Variants in CFTR observed in about 807,000 individuals in gnomAD.
CFTR encodes the protein cystic fibrosis transmembrane conductance regulator.
Under a neutral mutation model 171.6 loss-of-function variants are expected in CFTR, and 181 were observed. The observed-to-expected ratio is 1.05, with a 90% CI of 0.93 to 1.19. The LOEUF is 1.19. Ranked by LOEUF, CFTR falls within the 50% of genes most tolerant of loss-of-function variation. The pLI is 0.00. For missense variants in CFTR, 1,968 were observed against 1,734.7 expected, an observed-to-expected ratio of 1.13 and a Z score of -2.39; for synonymous variants, 583 against 608.0, an observed-to-expected ratio of 0.96 and a Z score of 0.60.
intron 10 of CFTR, among the ~76,000 whole-genome samples, chr7:117,553,213 G>T (rs145808268): frequency 6.9e-6 from 1 of 145,658 alleles, no homozygotes; most frequent in Non-Finnish European, 1.5e-5. Context: ...TGTTATAGCA[G>T]CCTGAACAAG....
At chr7:117,535,754 G>A (rs1008633943) in intron 6 of CFTR, among the ~76,000 whole-genome samples, 4 of 151,940 alleles carry the variant, frequency 2.6e-5, no homozygotes, top group South Asian at 2.1e-4. Flanking sequence ...GGCTGGTCTC[G>A]AATGCCTGAC....
intron 24 of CFTR, among the ~76,000 whole-genome samples, chr7:117,658,809 T>C (rs1334031238): frequency 1.3e-5 from 2 of 152,192 alleles, no homozygotes; most frequent in African/African-American, 4.8e-5. Flanking sequence ...TATTAACACT[T>C]GCACAAATTT....
intron 21 of CFTR, among the ~76,000 whole-genome samples, chr7:117,621,242 G>A (rs992435234): frequency 6.6e-6 from 1 of 152,168 alleles, no homozygotes; most frequent in African/African-American, 2.4e-5. Flanking sequence ...ATTCTAGCGT[G>A]TATCAAGCAA....
At chr7:117,490,916 G>A (rs1230669643) in intron 1 of CFTR, among the ~76,000 whole-genome samples, 2 of 152,002 alleles carry the variant, frequency 1.3e-5, no homozygotes, top group Admixed American at 6.6e-5. Context: ...CACATCTGTC[G>A]GCTTTCTTTG....
intron 3 of CFTR, among the ~76,000 whole-genome samples, chr7:117,510,485 T>C (rs1482640650): frequency 6.6e-6 from 1 of 152,188 alleles, no homozygotes; most frequent in East Asian, 1.9e-4. Context: ...TTTCAAGTAA[T>C]TGTTATGTCA....
chr7:117,491,884 G>C (rs1011227806), intron 1 of CFTR, among the ~76,000 whole-genome samples: 1 of 152,038 alleles, frequency 6.6e-6, no homozygotes, highest in African/African-American at 2.4e-5. Context: ...AGCAGAATGC[G>C]ATATGGAAGT....
intron 18 of CFTR, among the ~76,000 whole-genome samples, chr7:117,608,207 A>AT (rs11343448): frequency 7.6e-4 from 114 of 149,066 alleles, no homozygotes; most frequent in African/African-American, 1.7e-3. Context: ...TTTCTGCTCA[A>AT]TTTTTTTTTT....
In CFTR at chr7:117,534,317, T is replaced by G. The variant is rs749151514; in HGVS notation, c.531T>G (p.Ile177Met). 9 of 1,606,000 alleles carry G rather than the reference T, an allele frequency of 5.6e-6. No individual in the cohort carries two copies. Among genetic ancestry groups the G allele is most frequent in the Non-Finnish European group, 6.8e-6 (8 of 1,173,062 alleles). ...LSSRVLDKISIGQLVSLLSNN... is the reference protein window; with the variant it reads ...LSSRVLDKISMGQLVSLLSNN... ...GCCGTGTTCTAGATAAAATAAGTAT[T>G]GGACAACTTGTTAGTCTCCTTTCCA... The change falls in exon 5 of 27, where the codon ATT becomes ATG. Residue 177 changes from isoleucine (I) to methionine (M), a missense_variant. Coordinates refer to ENST00000003084, the MANE Select transcript of CFTR (RefSeq NM_000492.4).
chr7:117,505,695 C>A (rs2116636904), intron 2 of CFTR, among the ~76,000 whole-genome samples: 1 of 152,196 alleles, frequency 6.6e-6, no homozygotes, highest in South Asian at 2.1e-4. Context: ...ACAGCACAGG[C>A]CTGATGCCAG....
intron 4 of CFTR, 108 bp from the exon 5 acceptor site, chr7:117,534,168 T>C: frequency 1.5e-6 from 1 of 655,384 alleles, no homozygotes; most frequent in South Asian, 1.7e-5. Context: ...TCATTACCTT[T>C]ACTTAATAAT....
intron 24 of CFTR, among the ~76,000 whole-genome samples, chr7:117,654,208 A>G (rs1435085528): frequency 6.6e-6 from 1 of 152,094 alleles, no homozygotes; most frequent in African/African-American, 2.4e-5. Context: ...CTGGGATTGC[A>G]TAGGTGGCCC....
At chr7:117,580,842 A>G (rs1042688992) in intron 11 of CFTR, among the ~76,000 whole-genome samples, 1 of 152,130 alleles carries the variant, frequency 6.6e-6, no homozygotes, top group Non-Finnish European at 1.5e-5. Flanking sequence ...ATATTTATGT[A>G]TCTAGGTATT....
intron 4 of CFTR, among the ~76,000 whole-genome samples, chr7:117,532,702 T>C (rs765071653): frequency 2.1e-4 from 32 of 152,168 alleles, no homozygotes; most frequent in Admixed American, 7.2e-4. Flanking sequence ...CCCAGCTGCA[T>C]TGATAAAAAG....
intron 22 of CFTR, among the ~76,000 whole-genome samples, chr7:117,637,627 C>A (rs557753126): frequency 9.2e-5 from 14 of 151,998 alleles, no homozygotes; most frequent in Non-Finnish European, 1.9e-4. Flanking sequence ...CTGTAATCCC[C>A]GCACTTTGGG....
At chr7:117,526,029 C>T (rs1465388059) in intron 3 of CFTR, among the ~76,000 whole-genome samples, 2 of 149,208 alleles carry the variant, frequency 1.3e-5, no homozygotes, top group African/African-American at 5.0e-5. Flanking sequence ...ACTGGTTGTT[C>T]CTTTCCAGGT....
At chr7:117,631,709 C>T (rs1792749985) in intron 22 of CFTR, among the ~76,000 whole-genome samples, 1 of 152,176 alleles carries the variant, frequency 6.6e-6, no homozygotes, top group Non-Finnish European at 1.5e-5. Flanking sequence ...ATGCATCTCT[C>T]CCATCTGGCT....
At chr7:117,499,429 C>CTGTGTGTGTGTGTGTGTGTGTGTG (rs56985019) in intron 1 of CFTR, among the ~76,000 whole-genome samples, 3 of 135,830 alleles carry the variant, frequency 2.2e-5, no homozygotes, top group African/African-American at 8.6e-5. Context: ...ATAGTTTCAT[C>CTGTGTGTGTGTGTGTGTGTGTGTG]TGTGTGTGTG....
At chr7:117,565,630 G>A (rs1562900403) in intron 11 of CFTR, among the ~76,000 whole-genome samples, 1 of 152,134 alleles carries the variant, frequency 6.6e-6, no homozygotes, top group Non-Finnish European at 1.5e-5. Flanking sequence ...TTGGAACCAC[G>A]TAATGGTCTT....
intron 11 of CFTR, among the ~76,000 whole-genome samples, chr7:117,561,459 C>T (rs111641822): frequency 6.6e-6 from 1 of 152,036 alleles, no homozygotes; most frequent in East Asian, 1.9e-4. Flanking sequence ...ATCCAATTAC[C>T]GTTCCTTTGT....
Sources: gnomAD v4.1 joint callset for allele counts (sites outside exome capture counted in the v4.1 genomes callset) on GRCh38, gnomAD v4.1.1 for gene constraint, MANE v1.5 for transcripts, NCBI Gene and HGNC (gene_info 2026-07-23, HGNC 2026-07-21) for gene names.